PCNX2: variants seen among roughly 807,000 people sequenced by gnomAD.
The protein encoded by PCNX2 is pecanex 2, also known as pecanex-like protein 2.
A neutral mutation model predicts 223.8 loss-of-function variants in PCNX2; 168 were observed. The ratio of observed to expected loss-of-function variants is 0.75; its 90% CI spans 0.66 to 0.85. The LOEUF (loss-of-function observed/expected upper bound fraction) is 0.85. Among genes scored for constraint, PCNX2 ranks in the 40% least tolerant of loss-of-function variants. The pLI is 0.00. For synonymous variants in PCNX2, 1,006 were observed against 1,052.6 expected (o/e 0.96, Z 0.86); for missense variants, 2,507 against 2,675.5 (o/e 0.94, Z 1.39).
At chr1:233,215,593 C>A (rs1341302209) in intron 12 of PCNX2, among the ~76,000 whole-genome samples, 2 of 152,114 alleles carry the variant, frequency 1.3e-5, no homozygotes, top group African/African-American at 4.8e-5. Context: ...GGATGTCCTG[C>A]ATTATTTCTG....
intron 23 of PCNX2, among the ~76,000 whole-genome samples, chr1:233,079,369 C>T (rs1157558641): frequency 6.6e-6 from 1 of 151,716 alleles, no homozygotes; most frequent in African/African-American, 2.4e-5. Flanking sequence ...ACTAAAAATA[C>T]AAAACATTAG....
intron 28 of PCNX2, among the ~76,000 whole-genome samples, chr1:233,008,935 C>T (rs1670372858): frequency 6.6e-6 from 1 of 152,158 alleles, no homozygotes; most frequent in Admixed American, 6.5e-5. Flanking sequence ...GCAGCTGGGC[C>T]ACCCCAGGGA....
the PCNX2 span, among the ~76,000 whole-genome samples, chr1:233,308,586 G>T: frequency 6.6e-6 from 1 of 152,138 alleles, no homozygotes. Flanking sequence ...AGTGGTATAA[G>T]AGTAAATCTT....
chr1:232,995,380 T>C (rs1418099656), intron 32 of PCNX2, among the ~76,000 whole-genome samples: 1 of 152,110 alleles, frequency 6.6e-6, no homozygotes, highest in East Asian at 1.9e-4. Flanking sequence ...GCTTGTAAAA[T>C]GTAGAAAGCC....
At chr1:233,186,008 C>T (rs16858812) in intron 15 of PCNX2, among the ~76,000 whole-genome samples, 2,528 of 152,226 alleles carry the variant, frequency 0.017, 56 homozygotes, top group African/African-American at 0.057. Flanking sequence ...TAGGGCAGTC[C>T]GGCTTTGTAC....
chr1:232,986,332 G>T lies in PCNX2; in HGVS notation c.6000C>A (p.Pro2000=). 6.3e-7 allele frequency: 1 copy of T among 1,593,298 alleles called. No homozygotes were observed. Among genetic ancestry groups the T allele is most frequent in the Non-Finnish European group, 8.5e-7 (1 of 1,170,626 alleles). Residue 2000 remains proline (P), a synonymous_variant, in exon 33 of 34, where the codon CCC becomes CCA. Transcript: ENST00000258229. ...CACTCAGGTGGCCGGTGGTGGTGAC[G>T]GGCGGGGGCTGAGAGTGCAGGGACG... ...SATSLHSQPP[P]VTTTGHLSVR...
At chr1:233,185,651 C>T (rs544110720) in intron 15 of PCNX2, among the ~76,000 whole-genome samples, 175 of 152,090 alleles carry the variant, frequency 1.2e-3, no homozygotes, top group African/African-American at 3.9e-3. Context: ...TGTAGAGCAA[C>T]GGCTCAGAGG....
chr1:233,019,244 T>G, intron 26 of PCNX2: 1 of 968,840 alleles, frequency 1.0e-6, no homozygotes, highest in Non-Finnish European at 1.2e-6. Context: ...TCCCTTCTTT[T>G]GGACACACCT....
In PCNX2 at chr1:233,169,648, A is replaced by T. The variant is rs1359244000; in HGVS notation, c.3273+8154T>A. 3.3e-5 allele frequency among the ~76,000 whole-genome samples: 5 copies of T among 151,144 alleles called. No individual in the cohort carries two copies. The East Asian group carries it at 9.7e-4, about 29-fold the overall frequency. On this transcript the variant is annotated intron_variant, in intron 17 of 33. Coordinates refer to ENST00000258229, the MANE Select transcript of PCNX2 (RefSeq NM_014801.4). Reference sequence around the variant, plus strand: ...CGACAGAGCGAAACTCCGTCTCAAAAAAAAAAAAAAAATGTGACACAGGTA... The same window carrying T: ...CGACAGAGCGAAACTCCGTCTCAAATAAAAAAAAAAAATGTGACACAGGTA...
chr1:233,246,698 C>T (rs565681686), intron 8 of PCNX2, among the ~76,000 whole-genome samples: 49 of 152,272 alleles, frequency 3.2e-4, no homozygotes, highest in African/African-American at 1.1e-3. Context: ...CTACTTGGTC[C>T]TTCCATGGGG....
At chr1:233,024,431 C>G (rs755044593) in intron 26 of PCNX2, among the ~76,000 whole-genome samples, 1 of 152,102 alleles carries the variant, frequency 6.6e-6, no homozygotes, top group Non-Finnish European at 1.5e-5. Flanking sequence ...CATGCCAAGT[C>G]CCCCCATACT....
At chr1:233,281,787 CCA>C (rs1661204950) in intron 1 of PCNX2, among the ~76,000 whole-genome samples, 1 of 152,128 alleles carries the variant, frequency 6.6e-6, no homozygotes, top group African/African-American at 2.4e-5. Flanking sequence ...ATGGGTCTGA[CCA>C]CAGTCTGTAA....
chr1:233,197,481 A>C (rs1184729378), intron 15 of PCNX2, among the ~76,000 whole-genome samples: 1 of 152,186 alleles, frequency 6.6e-6, no homozygotes. Context: ...ATAAAGGAAC[A>C]TAAGTCAAAA....
chr1:233,269,128 A>C (rs1432767162), intron 1 of PCNX2, among the ~76,000 whole-genome samples: 1 of 152,178 alleles, frequency 6.6e-6, no homozygotes, highest in East Asian at 1.9e-4. Context: ...TGAATTCCTT[A>C]TGTTTGACTC....
At chr1:233,297,509 G>C (rs1312728386), upstream of PCNX2, among the ~76,000 whole-genome samples, 1 of 152,162 alleles carries the variant, frequency 6.6e-6, no homozygotes, top group African/African-American at 2.4e-5. Flanking sequence ...GGGAGGGGTG[G>C]TGTCAATAAG....
At chr1:233,200,122 T>C (rs914930825) in intron 14 of PCNX2, 32 bp downstream of exon 14, 15 of 1,481,376 alleles carry the variant, frequency 1.0e-5, no homozygotes, top group Non-Finnish European at 1.4e-5. Context: ...TCTGAATTCC[T>C]TTACAGGAAG....
intron 17 of PCNX2, among the ~76,000 whole-genome samples, chr1:233,173,053 A>G (rs1679252015): frequency 6.6e-6 from 1 of 152,196 alleles, no homozygotes; most frequent in Non-Finnish European, 1.5e-5. Flanking sequence ...TTTAATTTTG[A>G]CATAATACAT....
rs7546784 is a variant in PCNX2 at position 233,252,535 on chromosome 1, G to C, written c.1983-36C>G. 24,831 of 1,588,686 alleles carry C rather than the reference G, an allele frequency of 0.016. 1,770 individuals are homozygous for C. The African/African-American group carries it at 0.21, about 14-fold the overall frequency. On this transcript the variant is annotated intron_variant, in intron 6 of 33. Coordinates refer to ENST00000258229, the MANE Select transcript of PCNX2 (RefSeq NM_014801.4). ...ATAAAAGTTTCAAAAAAAATGATTA[G>C]AAGTTCCTCCTTATCCTTGATAAAG...
intron 1 of PCNX2, among the ~76,000 whole-genome samples, chr1:233,294,352 C>T (rs967964488): frequency 4.6e-5 from 7 of 152,102 alleles, no homozygotes; most frequent in African/African-American, 1.7e-4. Context: ...GAACTGGTAA[C>T]CAGTAGACCC....
Sources: gnomAD v4.1 joint callset for allele counts (sites outside exome capture counted in the v4.1 genomes callset) on GRCh38, gnomAD v4.1.1 for gene constraint, MANE v1.5 for transcripts, NCBI Gene and HGNC (gene_info 2026-07-23, HGNC 2026-07-21) for gene names.